The following PRKCA variants were observed in gnomAD, a reference collection of about 807,000 sequenced individuals.
PRKCA encodes the protein protein kinase C alpha type.
PRKCA carries 27 observed loss-of-function variants against 87.0 expected under a neutral mutation model. The ratio of observed to expected loss-of-function variants is 0.31; its 90% CI spans 0.23 to 0.43. The LOEUF is 0.43. Among genes scored for constraint, PRKCA ranks in the 20% least tolerant of loss-of-function variants. The pLI is 1.00. For synonymous variants in PRKCA, 329 were observed against 311.1 expected, an observed-to-expected ratio of 1.06 and a Z score of -0.61; for missense variants, 518 against 852.3, an observed-to-expected ratio of 0.61 and a Z score of 4.88.
intron 13 of PRKCA, among the ~76,000 whole-genome samples, chr17:66,761,367 T>A (rs572666038): frequency 6.8e-4 from 90 of 132,058 alleles, no homozygotes; most frequent in African/African-American, 2.6e-3. Context: ...AGACTCCGTC[T>A]CAAAAAAAAA....
At chr17:66,469,144 G>A (rs911576003) in intron 2 of PRKCA, among the ~76,000 whole-genome samples, 4 of 152,154 alleles carry the variant, frequency 2.6e-5, no homozygotes, top group South Asian at 4.2e-4. Flanking sequence ...CATTCCAGTC[G>A]TTCACCATCT....
At chr17:66,678,973 T>G (rs1228827825) in intron 5 of PRKCA, among the ~76,000 whole-genome samples, 1 of 152,084 alleles carries the variant, frequency 6.6e-6, no homozygotes, top group Non-Finnish European at 1.5e-5. Context: ...AAAGCACCAT[T>G]TCCTCTTTGG....
rs1247896930 is a variant in PRKCA, at chr17:66,804,986, C to T, written c.*949C>T. ...AGAAGCTGAAGTGTACGCCCTCTCC[C>T]CTTTTGTGCTTATTTATTTAATAGG... On this transcript the variant is annotated 3_prime_UTR_variant, in exon 17 of 17. Transcript: ENST00000413366. 1 of 985,038 alleles carries T rather than the reference C, an allele frequency of 1.0e-6. No homozygotes were observed. The highest frequency in any genetic ancestry group is 1.2e-6 in the Non-Finnish European group (1 of 829,362). The allele number at this position is 985,038 out of a possible 1,614,324, so 61.0% of individuals were successfully genotyped here.
At chr17:66,349,419 A>G (rs1250040168) in intron 2 of PRKCA, among the ~76,000 whole-genome samples, 2 of 152,026 alleles carry the variant, frequency 1.3e-5, no homozygotes, top group African/African-American at 4.8e-5. Context: ...CCAGTAGCCA[A>G]CACTAAACCA....
chr17:66,620,951 A>G (rs746136769), intron 3 of PRKCA, among the ~76,000 whole-genome samples: 12 of 152,206 alleles, frequency 7.9e-5, no homozygotes, highest in Non-Finnish European at 1.8e-4. Flanking sequence ...TCCCCTGGCA[A>G]TGGGGTAAAA....
intron 2 of PRKCA, among the ~76,000 whole-genome samples, chr17:66,441,820 G>A (rs984538607): frequency 9.9e-5 from 15 of 151,960 alleles, no homozygotes; most frequent in South Asian, 8.3e-4. Context: ...AAGCTATGAC[G>A]TATGTATATT....
chr17:66,776,248 A>G (rs1173208704), intron 14 of PRKCA, among the ~76,000 whole-genome samples: 2 of 152,220 alleles, frequency 1.3e-5, no homozygotes, highest in East Asian at 3.9e-4. Context: ...TTGCCTCCTC[A>G]GAAGAAAGAA....
At chr17:66,446,516 A>G (rs1219606489) in intron 2 of PRKCA, among the ~76,000 whole-genome samples, 1 of 152,228 alleles carries the variant, frequency 6.6e-6, no homozygotes, top group Non-Finnish European at 1.5e-5. Context: ...CTTGTTTTTC[A>G]TAAGCAGTTG....
At chr17:66,795,957 G>C (rs185116475) in intron 16 of PRKCA, among the ~76,000 whole-genome samples, 3 of 152,298 alleles carry the variant, frequency 2.0e-5, no homozygotes, top group Admixed American at 6.5e-5. Flanking sequence ...CTCATCAACG[G>C]AATCAGCCTT....
At chr17:66,781,868 G>GATATATATAT (rs1201713784) in intron 14 of PRKCA, among the ~76,000 whole-genome samples, 2 of 99,322 alleles carry the variant, frequency 2.0e-5, no homozygotes, top group Admixed American at 9.7e-5. Flanking sequence ...GAGAGAGAGA[G>GATATATATAT]ATATATATAT....
intron 2 of PRKCA, among the ~76,000 whole-genome samples, chr17:66,481,175 C>A (rs1478883026): frequency 6.6e-6 from 1 of 152,098 alleles, no homozygotes; most frequent in Admixed American, 6.6e-5. Context: ...TTGGCAAGAC[C>A]TTCCTCCACT....
chr17:66,738,384 A>G (rs1399950368), intron 10 of PRKCA, among the ~76,000 whole-genome samples: 4 of 152,240 alleles, frequency 2.6e-5, no homozygotes, highest in African/African-American at 4.8e-5. Context: ...ACCATGGAGA[A>G]GCACTAGTTA....
At chr17:66,486,425 C>T (rs1345566531) in intron 2 of PRKCA, among the ~76,000 whole-genome samples, 1 of 152,184 alleles carries the variant, frequency 6.6e-6, no homozygotes, top group Non-Finnish European at 1.5e-5. Context: ...TCTGGGCCAT[C>T]ATGGGCGAGT....
At chr17:66,560,092 G>A (rs191114346) in intron 3 of PRKCA, among the ~76,000 whole-genome samples, 4 of 152,292 alleles carry the variant, frequency 2.6e-5, no homozygotes, top group Non-Finnish European at 4.4e-5. Context: ...AAGTGAGGAT[G>A]TGTTCTTCCA....
intron 14 of PRKCA, among the ~76,000 whole-genome samples, chr17:66,780,091 C>A (rs924403177): frequency 3.3e-5 from 5 of 152,124 alleles, no homozygotes; most frequent in Non-Finnish European, 5.9e-5. Context: ...TAACAAAGGC[C>A]GTAAATGTGT....
intron 3 of PRKCA, among the ~76,000 whole-genome samples, chr17:66,633,483 T>C (rs1013810655): frequency 6.6e-6 from 1 of 152,136 alleles, no homozygotes; most frequent in African/African-American, 2.4e-5. Context: ...ACACATCAGA[T>C]GGTGACAGCA....
intron 2 of PRKCA, among the ~76,000 whole-genome samples, chr17:66,347,852 G>C (rs760562882): frequency 9.9e-5 from 15 of 151,330 alleles, no homozygotes; most frequent in Non-Finnish European, 1.8e-4. Flanking sequence ...GTTTCATGGA[G>C]AGAGTGGCTG....
rs539485341 is a variant in PRKCA at position 66,582,535 on chromosome 17, G to A, written c.289-58820G>A. 8.5e-5 allele frequency among the ~76,000 whole-genome samples: 13 copies of A among 152,214 alleles called. No homozygotes were observed. In the South Asian group the frequency reaches 1.5e-3, roughly 17 times the overall value. ...CCCTGCACAAGCTCTCTTGCCTGCC[G>A]CCATGTAAGATGTGACTTTGCTCCT... On this transcript the variant is annotated intron_variant, in intron 3 of 16. Transcript: ENST00000413366.
chr17:66,772,897 A>G (rs1568025304), intron 13 of PRKCA, among the ~76,000 whole-genome samples: 1 of 152,022 alleles, frequency 6.6e-6, no homozygotes, highest in Admixed American at 6.6e-5. Context: ...TTTTTAATTT[A>G]AGATATGTCA....
Sources: gnomAD v4.1 joint callset for allele counts (sites outside exome capture counted in the v4.1 genomes callset) on GRCh38, gnomAD v4.1.1 for gene constraint, MANE v1.5 for transcripts, NCBI Gene and HGNC (gene_info 2026-07-23, HGNC 2026-07-21) for gene names.